The following RGPD3 variants were observed in gnomAD, a reference collection of about 807,000 sequenced individuals.
RGPD3 encodes the protein RANBP2 like and GRIP domain containing 3, also known as ranBP2-like and GRIP domain-containing protein 3.
In RGPD3, 62 loss-of-function variants were observed where a neutral mutation model predicts 154.5. That is an observed-to-expected ratio of 0.40 (90% CI 0.33 to 0.50). RGPD3 has a LOEUF of 0.50. Ranked by LOEUF, RGPD3 falls within the 20% of genes least tolerant of loss-of-function variation. The pLI, the probability that RGPD3 is intolerant of heterozygous loss-of-function variation, is 0.59. For synonymous variants in RGPD3, 308 were observed against 607.0 expected, an observed-to-expected ratio of 0.51 and a Z score of 7.24; for missense variants, 919 against 1,716.8, an observed-to-expected ratio of 0.54 and a Z score of 8.21.
At chr2:106,416,455 G>T (rs879092104) in intron 20 of RGPD3, among the ~76,000 whole-genome samples, 5 of 127,644 alleles carry the variant, frequency 3.9e-5, no homozygotes, top group African/African-American at 1.1e-4. Flanking sequence ...GGTAATTTTT[G>T]CAGAAATCAC....
intron 7 of RGPD3, among the ~76,000 whole-genome samples, chr2:106,446,829 C>A (rs1258677110): frequency 6.6e-6 from 1 of 151,736 alleles, no homozygotes; most frequent in Non-Finnish European, 1.5e-5. Flanking sequence ...CTGCAGTGAG[C>A]CGAGATCACG....
At chr2:106,462,371 C>T (rs1200155293) in intron 1 of RGPD3, among the ~76,000 whole-genome samples, 2 of 150,886 alleles carry the variant, frequency 1.3e-5, no homozygotes, top group Non-Finnish European at 2.9e-5. Context: ...TACAAGGGAA[C>T]TGAAGCTCAA....
intron 7 of RGPD3, among the ~76,000 whole-genome samples, chr2:106,446,353 G>C (rs1344101276): frequency 6.6e-6 from 1 of 152,066 alleles, no homozygotes; most frequent in Non-Finnish European, 1.5e-5. Flanking sequence ...GGATGACTAG[G>C]TCAGGAGATT....
chr2:106,450,117 T>G (rs28498532), intron 6 of RGPD3, among the ~76,000 whole-genome samples: 1 of 137,794 alleles, frequency 7.3e-6, no homozygotes, highest in East Asian at 2.2e-4. Context: ...CGGTGGCTCA[T>G]GCCTGTAATC....
At position 106,404,457 on chromosome 2, in the gene RGPD3, T is replaced by C. The variant is rs1280696454; in HGVS notation, c.*762A>G. 7.0e-6 allele frequency among the ~76,000 whole-genome samples: 1 copy of C among 143,074 alleles called. No homozygotes were observed. The highest frequency in any genetic ancestry group is 1.5e-5 in the Non-Finnish European group (1 of 65,990). The allele number at this position is 143,074 out of a possible 152,430, so 93.9% of individuals were successfully genotyped here. ...TTTTAAAGCAAATAACTAAACTGTA[T>C]TTTAACTTAGCACAATTAACTGCAG... On this transcript the variant is annotated 3_prime_UTR_variant, in exon 23 of 23. Coordinates refer to ENST00000409886, the MANE Select transcript of RGPD3 (RefSeq NM_001144013.2).
intron 21 of RGPD3, among the ~76,000 whole-genome samples, chr2:106,414,268 C>G (rs1183261325): frequency 6.6e-6 from 1 of 151,844 alleles, no homozygotes; most frequent in Admixed American, 6.6e-5. Context: ...AAACCTAGGA[C>G]CATTTAAAAA....
At position 106,415,901 on chromosome 2, in the gene RGPD3, G is replaced by C; in HGVS notation, c.5013C>G (p.Gly1671=). 2 of 1,611,828 alleles carry C rather than the reference G, an allele frequency of 1.2e-6. No individual in the cohort carries two copies. The part of the protein sequence containing the change: ...STTKSADHLN[G]LLREIEATNA... The stretch of plus-strand genomic sequence containing the variant: ...TGGTTGCCTCTATTTCCCGAAGCAG[G>C]CCGTTTAAGTGATCTGCACTTTTTG... The change falls in exon 21 of 23, where the codon GGC becomes GGG. Residue 1671 remains glycine, a synonymous_variant. Transcript: ENST00000409886.
At chr2:106,430,377 C>T in intron 17 of RGPD3, among the ~76,000 whole-genome samples, 1 of 85,924 alleles carries the variant, frequency 1.2e-5, no homozygotes, top group Non-Finnish European at 2.6e-5. Flanking sequence ...TCTACACTTG[C>T]CTACATTAAC....
intron 22 of RGPD3, among the ~76,000 whole-genome samples, chr2:106,408,650 T>C (rs954300785): frequency 1.3e-5 from 2 of 148,256 alleles, no homozygotes; most frequent in South Asian, 4.5e-4. Context: ...CAACATATTC[T>C]AATGTTTCAC....
chr2:106,450,881 C>CCAAAAAAAAAAAAAAAAA (rs538548392), intron 6 of RGPD3, among the ~76,000 whole-genome samples: 2 of 38,372 alleles, frequency 5.2e-5, no homozygotes, highest in African/African-American at 1.9e-4. Context: ...GACTCAGTCT[C>CCAAAAAAAAAAAAAAAAA]AAAAAAAAAA....
chr2:106,467,060 G>C (rs1311460542), intron 1 of RGPD3, among the ~76,000 whole-genome samples: 1 of 122,578 alleles, frequency 8.2e-6, no homozygotes, highest in Admixed American at 8.6e-5. Flanking sequence ...AGCGCCGGTC[G>C]GGAGCCATGA....
intron 1 of RGPD3, among the ~76,000 whole-genome samples, chr2:106,466,259 C>T (rs1410564486): frequency 2.3e-4 from 35 of 152,022 alleles, no homozygotes; most frequent in Non-Finnish European, 3.4e-4. Flanking sequence ...CGCTTGCAAG[C>T]GCCGCGCCGC....
At chr2:106,466,421 G>C (rs1244641916) in intron 1 of RGPD3, among the ~76,000 whole-genome samples, 1 of 130,016 alleles carries the variant, frequency 7.7e-6, no homozygotes, top group Admixed American at 7.6e-5. Flanking sequence ...AGCGCCCGTC[G>C]GGAGCCATGA....
rs915787211 is a variant in RGPD3, at chr2:106,403,901, A to G, written c.*1318T>C. ...CCAGCTCAGAAAGAAAATTAAGAGTATAAACTGAAGGCTTAAGAGAACTTC... is the reference window on the plus strand; with the variant it reads ...CCAGCTCAGAAAGAAAATTAAGAGTGTAAACTGAAGGCTTAAGAGAACTTC... On this transcript the variant is annotated 3_prime_UTR_variant, in exon 23 of 23. Transcript: ENST00000409886. Among the ~76,000 whole-genome samples the G allele has an allele frequency of 2.0e-5, 3 of 152,366 alleles. No homozygotes were observed. Among genetic ancestry groups the G allele is most frequent in the African/African-American group, 7.2e-5 (3 of 41,608 alleles).
intron 21 of RGPD3, among the ~76,000 whole-genome samples, chr2:106,414,512 C>A (rs946138008): frequency 7.9e-5 from 11 of 139,376 alleles, no homozygotes; most frequent in Non-Finnish European, 1.4e-4. Flanking sequence ...GTCTCAGCTA[C>A]TCAGGAGGCT....
intron 6 of RGPD3, among the ~76,000 whole-genome samples, chr2:106,451,138 C>T (rs1678112881): frequency 6.7e-6 from 1 of 149,138 alleles, no homozygotes; most frequent in Non-Finnish European, 1.5e-5. Context: ...GAAAGGAACC[C>T]ACATACAAAC....
At chr2:106,413,894 C>T (rs1301650651) in intron 21 of RGPD3, among the ~76,000 whole-genome samples, 1 of 152,090 alleles carries the variant, frequency 6.6e-6, no homozygotes, top group Non-Finnish European at 1.5e-5. Flanking sequence ...TGGGTTGGTA[C>T]CAAGATGTTC....
rs1677429219 is a variant in RGPD3 at position 106,433,252 on chromosome 2, G to T, written c.2239C>A (p.Leu747Ile). 6.2e-7 allele frequency: 1 copy of T among 1,611,312 alleles called. No individual in the cohort carries two copies. The highest frequency in any genetic ancestry group is 1.7e-5 in the Admixed American group (1 of 59,904). Residue 747 changes from leucine to isoleucine, a missense_variant, in exon 16 of 23, where the codon CTT (leucine) becomes ATT (isoleucine). By Grantham distance (5) the Leu-to-Ile change is conservative. Coordinates refer to ENST00000409886, the MANE Select transcript of RGPD3 (RefSeq NM_001144013.2). ...TCGAGTTCCTGCATGACTGACTTAA[G>T]CATCTCTTTTACAGACTCCAGGGGC... ...PVPLESVKEM[L>I]KSVMQELENY... is the part of the protein sequence containing the mutation.
chr2:106,415,674 CAAAA>C (rs879163469), intron 21 of RGPD3, among the ~76,000 whole-genome samples, 172 bp downstream of exon 21: 764 of 44,714 alleles, frequency 0.017, 6 homozygotes, highest in Middle Eastern at 0.036. Context: ...AAGACTGTCT[CAAAA>C]AAAAAAAAAA....
Sources: allele counts gnomAD v4.1 joint callset (sites outside exome capture counted in the v4.1 genomes callset), GRCh38; gene constraint gnomAD v4.1.1; transcripts MANE v1.5; gene names NCBI Gene and HGNC (gene_info 2026-07-23, HGNC 2026-07-21).